Variants in GIGYF2 observed in about 807,000 individuals in gnomAD.
The protein encoded by GIGYF2 is GRB10 interacting GYF protein 2, also known as GRB10-interacting GYF protein 2.
A neutral mutation model predicts 208.1 loss-of-function variants in GIGYF2; 25 were observed. The ratio of observed to expected loss-of-function variants is 0.12; its 90% CI spans 0.09 to 0.17. The LOEUF (loss-of-function observed/expected upper bound fraction) is 0.17, where lower values mean the gene tolerates loss of function less well. Ranked by LOEUF, GIGYF2 falls within the 10% of genes least tolerant of loss-of-function variation. The pLI is 1.00. For synonymous variants in GIGYF2, 534 were observed against 543.8 expected, an observed-to-expected ratio of 0.98 and a Z score of 0.25; for missense variants, 1,302 against 1,579.4, an observed-to-expected ratio of 0.82 and a Z score of 2.98.
intron 1 of GIGYF2, among the ~76,000 whole-genome samples, chr2:232,698,604 A>G (rs1559366831): frequency 6.6e-6 from 1 of 152,130 alleles, no homozygotes; most frequent in Non-Finnish European, 1.5e-5. Flanking sequence ...TTATTCATTG[A>G]TGGTTTTACG....
intron 8 of GIGYF2, chr2:232,767,722 T>C (rs1699033861): frequency 6.0e-6 from 1 of 166,972 alleles, no homozygotes; most frequent in Non-Finnish European, 1.3e-5. Flanking sequence ...ATCTTTGTTG[T>C]CTTGAAAAAA....
intron 15 of GIGYF2, among the ~76,000 whole-genome samples, chr2:232,809,166 A>G (rs1022788963): frequency 3.3e-5 from 5 of 152,062 alleles, no homozygotes; most frequent in African/African-American, 1.2e-4. Context: ...GCTGATCTCA[A>G]TCCCCTGACC....
At chr2:232,845,628 TG>T in intron 25 of GIGYF2, 103 bp from the exon 26 acceptor site, 1 of 999,232 alleles carries the variant, frequency 1.0e-6, no homozygotes, top group Admixed American at 1.8e-5. Context: ...GATTATTTAC[TG>T]GGCATCCATC....
At chr2:232,743,561 C>G (rs1168469416) in intron 3 of GIGYF2, among the ~76,000 whole-genome samples, 2 of 152,184 alleles carry the variant, frequency 1.3e-5, no homozygotes, top group African/African-American at 2.4e-5. Context: ...CTCCCTCCTC[C>G]TGCCTTCCAC....
At chr2:232,709,129 GA>G (rs1024886881) in intron 2 of GIGYF2, among the ~76,000 whole-genome samples, 1 of 151,508 alleles carries the variant, frequency 6.6e-6, no homozygotes, top group East Asian at 1.9e-4. Context: ...TCCAAAAAAA[GA>G]AAAAAAAGTT....
chr2:232,724,287 AC>A (rs1444449669), intron 2 of GIGYF2, among the ~76,000 whole-genome samples: 1 of 144,252 alleles, frequency 6.9e-6, no homozygotes, highest in African/African-American at 2.6e-5. Flanking sequence ...TGAACACCTG[AC>A]CTCAAGTGAT....
At position 232,845,716 on chromosome 2, in the gene GIGYF2, T is replaced by C; in HGVS notation, c.3306-16T>C. ...AGTTTCTGGGAATATAATATCACCC[T>C]ATTGTTTTGCTTTAGTAAATCTGTA... On this transcript the variant is annotated splice_polypyrimidine_tract_variant and intron_variant, in intron 25 of 28. Coordinates refer to ENST00000373563, the MANE Select transcript of GIGYF2 (RefSeq NM_001103146.3). 2 of 1,577,962 alleles carry C rather than the reference T, an allele frequency of 1.3e-6. No individual in the cohort carries two copies.
intron 2 of GIGYF2, among the ~76,000 whole-genome samples, chr2:232,733,718 G>A (rs1055149297): frequency 3.3e-5 from 5 of 152,114 alleles, no homozygotes; most frequent in African/African-American, 1.2e-4. Flanking sequence ...ATGGCATAGT[G>A]TTTGCGTATA....
intron 18 of GIGYF2, among the ~76,000 whole-genome samples, chr2:232,814,044 C>T (rs942598085): frequency 1.3e-5 from 2 of 151,516 alleles, no homozygotes; most frequent in Non-Finnish European, 2.9e-5. Flanking sequence ...CCCACCACCA[C>T]GCTTGGCTAA....
chr2:232,707,948 TC>T (rs1261876609), intron 2 of GIGYF2, among the ~76,000 whole-genome samples: 2 of 151,722 alleles, frequency 1.3e-5, no homozygotes, highest in Non-Finnish European at 2.9e-5. Flanking sequence ...TTTTTGCATT[TC>T]TTTTTTTTAA....
At chr2:232,794,137 T>C (rs1016527102) in intron 12 of GIGYF2, among the ~76,000 whole-genome samples, 1 of 152,228 alleles carries the variant, frequency 6.6e-6, no homozygotes, top group African/African-American at 2.4e-5. Context: ...ATTACTTCCA[T>C]CCCCCTTTTC....
At chr2:232,827,174 C>CTA (rs1701275686) in intron 21 of GIGYF2, among the ~76,000 whole-genome samples, 2 of 141,062 alleles carry the variant, frequency 1.4e-5, no homozygotes, top group Non-Finnish European at 3.2e-5. Context: ...TCTGAAAATC[C>CTA]TAGGGCCCTC....
At chr2:232,795,041 A>T in intron 13 of GIGYF2, 97 bp downstream of exon 13, 1 of 903,666 alleles carries the variant, frequency 1.1e-6, no homozygotes, top group South Asian at 1.3e-5. Flanking sequence ...TTGTCACTAG[A>T]TTTTAAGTAC....
chr2:232,707,460 G>T (rs1559372506), intron 2 of GIGYF2, among the ~76,000 whole-genome samples: 1 of 152,012 alleles, frequency 6.6e-6, no homozygotes, highest in South Asian at 2.1e-4. Flanking sequence ...CCATATCCAC[G>T]GGCTCTCATG....
At chr2:232,740,240 C>T (rs1161381092) in intron 3 of GIGYF2, among the ~76,000 whole-genome samples, 4 of 152,086 alleles carry the variant, frequency 2.6e-5, no homozygotes, top group East Asian at 1.9e-4. Context: ...GAGGATTGCT[C>T]GGGCCTAGGC....
intron 2 of GIGYF2, among the ~76,000 whole-genome samples, chr2:232,719,296 T>C (rs1696837909): frequency 6.6e-6 from 1 of 152,236 alleles, no homozygotes; most frequent in Non-Finnish European, 1.5e-5. Flanking sequence ...TATCAGACAC[T>C]GTGCTGGAAT....
rs78301293 is a variant in GIGYF2 at position 232,822,317 on chromosome 2, A to T, written c.2529+2332A>T. Among the ~76,000 whole-genome samples, 497 of 152,234 alleles carry T rather than the reference A, an allele frequency of 3.3e-3. 4 individuals are homozygous for T. Among genetic ancestry groups the T allele is most frequent in the Middle Eastern group, 0.014 (4 of 294 alleles). On this transcript the variant is annotated intron_variant, in intron 21 of 28. Coordinates refer to ENST00000373563, the MANE Select transcript of GIGYF2 (RefSeq NM_001103146.3). ...TTCTCAGTACCATTTTGTTTTCGTT[A>T]TACAGGTTATGTACATCTTTAAAAA...
At chr2:232,817,985 A>G (rs988567985) in intron 20 of GIGYF2, among the ~76,000 whole-genome samples, 2 of 152,180 alleles carry the variant, frequency 1.3e-5, no homozygotes, top group African/African-American at 2.4e-5. Context: ...ATTCCTACTG[A>G]CAAGGCACAG....
chr2:232,775,682 C>G (rs562100861), intron 8 of GIGYF2, among the ~76,000 whole-genome samples: 1 of 152,284 alleles, frequency 6.6e-6, no homozygotes, highest in Middle Eastern at 3.4e-3. Flanking sequence ...CATCAGAATT[C>G]ATTCTACTCA....
Sources: allele counts gnomAD v4.1 joint callset (sites outside exome capture counted in the v4.1 genomes callset), GRCh38; gene constraint gnomAD v4.1.1; transcripts MANE v1.5; gene names NCBI Gene and HGNC (gene_info 2026-07-23, HGNC 2026-07-21).